The following RFTN2 variants were observed in gnomAD, a reference collection of about 807,000 sequenced individuals.
RFTN2 encodes raftlin family member 2.
Under a neutral mutation model 52.7 loss-of-function variants are expected in RFTN2, and 34 were observed. That is an observed-to-expected ratio of 0.64 (90% CI 0.49 to 0.86). The LOEUF is 0.86. Among genes scored for constraint, RFTN2 ranks in the 40% least tolerant of loss-of-function variants. RFTN2 has a pLI of 0.00. For synonymous variants in RFTN2, 203 were observed against 217.7 expected, an observed-to-expected ratio of 0.93 and a Z score of 0.59; for missense variants, 536 against 600.1, an observed-to-expected ratio of 0.89 and a Z score of 1.12.
Position 197,570,317 on chromosome 2 carries a change from GGAT to G in RFTN2, c.*1688_*1690del, listed in dbSNP as rs1219956202. On this transcript the variant is annotated 3_prime_UTR_variant, in exon 9 of 9. Transcript: ENST00000295049. ...TTAAATTCCTTTATACTGTACTTCT[GGAT>G]GATAAAAGTGGAATAATTCCTGTTA... 1 of 152,110 alleles carries G rather than the reference GGAT, an allele frequency of 6.6e-6. No homozygotes were observed. The highest frequency in any genetic ancestry group is 1.5e-5 in the Non-Finnish European group (1 of 68,026). The allele number at this position is 152,110 out of a possible 1,614,324, so 9.4% of individuals were successfully genotyped here.
At chr2:197,640,872 A>G (rs773712412) in intron 3 of RFTN2, among the ~76,000 whole-genome samples, 4 of 143,992 alleles carry the variant, frequency 2.8e-5, no homozygotes, top group Non-Finnish European at 4.8e-5. Flanking sequence ...CTCTGCTTTT[A>G]CTTCGTTTCT....
rs151324650 is a variant in RFTN2, at chr2:197,609,678, A to G, written c.1154+6198T>C. Reference sequence around the variant, plus strand: ...TATTTTGGCTTTTGGTGTTTTAGTCATGAAGTCTTTGCCCATGCCTATGTC... The same window carrying G: ...TATTTTGGCTTTTGGTGTTTTAGTCGTGAAGTCTTTGCCCATGCCTATGTC... On this transcript the variant is annotated intron_variant, in intron 7 of 8. Transcript: ENST00000295049. Among the ~76,000 whole-genome samples, 645 of 152,054 alleles carry G rather than the reference A, an allele frequency of 4.2e-3. 5 individuals are homozygous for G. The highest frequency in any genetic ancestry group is 0.015 in the African/African-American group (613 of 41,520).
chr2:197,631,738 T>C (rs2088472613), intron 4 of RFTN2, among the ~76,000 whole-genome samples: 2 of 152,180 alleles, frequency 1.3e-5, no homozygotes, highest in Admixed American at 1.3e-4. Flanking sequence ...CAACTTTGTA[T>C]CTCTTTGGAC....
intron 5 of RFTN2, among the ~76,000 whole-genome samples, chr2:197,624,942 C>T (rs2088330606): frequency 6.6e-6 from 1 of 152,162 alleles, no homozygotes; most frequent in African/African-American, 2.4e-5. Flanking sequence ...GGGCGAGACT[C>T]TATCCCCAAA....
intron 8 of RFTN2, among the ~76,000 whole-genome samples, chr2:197,581,943 A>G (rs1315900730): frequency 6.6e-6 from 1 of 152,186 alleles, no homozygotes; most frequent in Non-Finnish European, 1.5e-5. Flanking sequence ...CATTCCTTGA[A>G]GACAGCTTTA....
chr2:197,577,764 C>G (rs1049553954), intron 8 of RFTN2, among the ~76,000 whole-genome samples: 1 of 152,204 alleles, frequency 6.6e-6, no homozygotes, highest in Non-Finnish European at 1.5e-5. Context: ...CTGACCACCT[C>G]CCGACTTTTC....
intron 7 of RFTN2, among the ~76,000 whole-genome samples, chr2:197,600,705 G>A (rs552244927): frequency 2.0e-4 from 30 of 152,312 alleles, no homozygotes; most frequent in Admixed American, 1.0e-3. Context: ...GATGGTTTCA[G>A]AGGACAGAGC....
intron 1 of RFTN2, among the ~76,000 whole-genome samples, chr2:197,660,119 G>T (rs1340946854): frequency 6.6e-6 from 1 of 152,212 alleles, no homozygotes; most frequent in Non-Finnish European, 1.5e-5. Context: ...AACCCAGACA[G>T]AGTGAGTCCA....
At chr2:197,614,950 C>T (rs73988485) in intron 7 of RFTN2, among the ~76,000 whole-genome samples, 2,763 of 152,290 alleles carry the variant, frequency 0.018, 83 homozygotes, top group African/African-American at 0.064. Flanking sequence ...TTGCTTACTT[C>T]AAACATTCCT....
At chr2:197,572,379 C>A in intron 8 of RFTN2, 99 bp from the exon 9 acceptor site, 2 of 1,188,884 alleles carry the variant, frequency 1.7e-6, no homozygotes, top group African/African-American at 1.5e-5. Flanking sequence ...CAGGAATGTC[C>A]TTTTCCCCAG....
chr2:197,674,339 C>CAAAAAAAAAAAAAA (rs1222944678), intron 1 of RFTN2, among the ~76,000 whole-genome samples: 4 of 34,244 alleles, frequency 1.2e-4, no homozygotes, highest in Non-Finnish European at 1.9e-4. Flanking sequence ...TAGAGCAAAG[C>CAAAAAAAAAAAAAA]AAAAAAAAAA....
chr2:197,613,013 A>G (rs967909752), intron 7 of RFTN2, among the ~76,000 whole-genome samples: 2 of 152,212 alleles, frequency 1.3e-5, no homozygotes, highest in African/African-American at 2.4e-5. Context: ...GATGATAGAC[A>G]TTCTTTTTTC....
At chr2:197,597,912 CACA>C (rs2087818411) in intron 7 of RFTN2, among the ~76,000 whole-genome samples, 3 of 152,268 alleles carry the variant, frequency 2.0e-5, no homozygotes, top group African/African-American at 4.8e-5. Flanking sequence ...CAAGAAGGAA[CACA>C]ACAACTGTGA....
At chr2:197,621,123 A>G (rs1001223964) in intron 5 of RFTN2, among the ~76,000 whole-genome samples, 1 of 151,978 alleles carries the variant, frequency 6.6e-6, no homozygotes, top group Non-Finnish European at 1.5e-5. Context: ...GTGGAATCAA[A>G]TTTGTTTCTG....
rs2089013720 is a variant in RFTN2, at chr2:197,663,946, C to G, written c.139+11374G>C. ...TGTAGGCATTTATTGCTATATACTA[C>G]TTAGTATCACTTTTGTTGTATCCCA... On this transcript the variant is annotated intron_variant, in intron 1 of 8. Coordinates refer to ENST00000295049, the MANE Select transcript of RFTN2 (RefSeq NM_144629.3). 2.0e-5 allele frequency among the ~76,000 whole-genome samples: 3 copies of G among 152,134 alleles called. No homozygotes were observed. In the South Asian group the frequency reaches 6.2e-4, roughly 32 times the overall value.
At chr2:197,603,906 T>C (rs1018713734) in intron 7 of RFTN2, among the ~76,000 whole-genome samples, 7 of 151,898 alleles carry the variant, frequency 4.6e-5, no homozygotes, top group Non-Finnish European at 1.0e-4. Context: ...CAGTCTGGGC[T>C]ACAGAGTGAG....
At chr2:197,652,863 CACTGAAGG>C (rs2088843458) in intron 1 of RFTN2, among the ~76,000 whole-genome samples, 1 of 152,122 alleles carries the variant, frequency 6.6e-6, no homozygotes, top group Non-Finnish European at 1.5e-5. Context: ...AATATATTTT[CACTGAAGG>C]GGGCAGGGGA....
intron 4 of RFTN2, among the ~76,000 whole-genome samples, chr2:197,631,602 ACATGCC>A (rs2088470547): frequency 6.6e-6 from 1 of 152,218 alleles, no homozygotes; most frequent in Non-Finnish European, 1.5e-5. Flanking sequence ...CTTTTGTTCA[ACATGCC>A]TTTGAAATGT....
At chr2:197,585,677 T>G (rs2087584549) in intron 8 of RFTN2, among the ~76,000 whole-genome samples, 1 of 152,198 alleles carries the variant, frequency 6.6e-6, no homozygotes, top group African/African-American at 2.4e-5. Context: ...CTTCCTGTGC[T>G]TACACAGCTG....
Sources: gnomAD v4.1 joint callset for allele counts (sites outside exome capture counted in the v4.1 genomes callset) on GRCh38, gnomAD v4.1.1 for gene constraint, MANE v1.5 for transcripts, NCBI Gene and HGNC (gene_info 2026-07-23, HGNC 2026-07-21) for gene names.